The following CAPN12 variants were observed in gnomAD, a reference collection of about 807,000 sequenced individuals.
The protein encoded by CAPN12 is calpain-12.
Under a neutral mutation model 95.0 loss-of-function variants are expected in CAPN12, and 107 were observed. The ratio of observed to expected loss-of-function variants is 1.13; its 90% CI spans 0.96 to 1.32. The LOEUF is 1.32. CAPN12 is among the 40% of genes most tolerant of loss of function. The probability of loss-of-function intolerance (pLI) is 0.00; values close to 1 mark genes in which losing one functional copy is unlikely to be tolerated. For missense variants in CAPN12, 1,136 were observed against 997.8 expected (o/e 1.14, Z -1.87); for synonymous variants, 505 against 415.5 (o/e 1.22, Z -2.62).
chr19:38,744,594 C>T (rs969799880), upstream of CAPN12: 20 of 236,574 alleles, frequency 8.5e-5, no homozygotes, highest in Non-Finnish European at 1.2e-4. Flanking sequence ...TCTCTCTCCC[C>T]GCCTTCATGT....
chr19:38,738,403 CCA>C lies in CAPN12; in HGVS notation c.890+13_890+14del, dbSNP rs1165476891. The C allele has an allele frequency of 1.2e-6, 2 of 1,610,882 alleles. No homozygotes were observed. The highest frequency in any genetic ancestry group is 3.3e-5 in the Admixed American group (2 of 59,954). On this transcript the variant is annotated intron_variant, in intron 7 of 20. Transcript: ENST00000328867. Reference sequence around the variant, plus strand: ...GGTGGGGTCCAGCCCCACACCCACCCCAGACCCATCCCACCTGTCGCTCCAGG... The same window carrying C: ...GGTGGGGTCCAGCCCCACACCCACCCGACCCATCCCACCTGTCGCTCCAGG...
chr19:38,736,532 T>C lies in CAPN12; in HGVS notation c.1374+20A>G, dbSNP rs748975507. On this transcript the variant is annotated intron_variant, in intron 11 of 20. Transcript: ENST00000328867. ...AGGTTGACCAAGCCCCAGGGCCGGT[T>C]GACCCCATCCCAGACTCACCTCCTC... 13 of 1,578,476 alleles carry C rather than the reference T, an allele frequency of 8.2e-6. No individual in the cohort carries two copies. Among genetic ancestry groups the C allele is most frequent in the Non-Finnish European group, 1.1e-5 (13 of 1,163,364 alleles).
At chr19:38,742,084 G>C (rs992975088) in intron 3 of CAPN12, among the ~76,000 whole-genome samples, 174 bp from the exon 4 acceptor site, 1 of 152,132 alleles carries the variant, frequency 6.6e-6, no homozygotes, top group Non-Finnish European at 1.5e-5. Context: ...CCAGCACTTT[G>C]GGAGGCCGAG....
intron 1 of CAPN12, 89 bp from the exon 2 acceptor site, chr19:38,743,191 G>A: frequency 6.7e-7 from 1 of 1,500,824 alleles, no homozygotes; most frequent in Non-Finnish European, 9.3e-7. Flanking sequence ...GCCCATGAAA[G>A]GCCTGGAAGC....
At chr19:38,736,020 T>C (rs1484345232) in intron 12 of CAPN12, 90 bp downstream of exon 12, 1 of 123,186 alleles carries the variant, frequency 8.1e-6, no homozygotes, top group African/African-American at 8.6e-5. Context: ...GTCTCGGGGG[T>C]CTCGGGGGTC....
intron 2 of CAPN12, 74 bp downstream of exon 2, chr19:38,742,959 A>G (rs2145275581): frequency 1.4e-6 from 2 of 1,456,724 alleles, no homozygotes; most frequent in Non-Finnish European, 1.9e-6. Context: ...GTGGGTGGAC[A>G]AAGGGATGGA....
intron 4 of CAPN12, 66 bp downstream of exon 4, chr19:38,741,711 C>T (rs1970554727): frequency 6.3e-7 from 1 of 1,583,044 alleles, no homozygotes; most frequent in African/African-American, 1.3e-5. Flanking sequence ...GACTCTGGGT[C>T]CCCCTGTGGC....
In CAPN12 at chr19:38,730,603, T is replaced by TAGCACTGTC. The variant is rs1969510584; in HGVS notation, c.*240_*248dup. ...CCTTCTAGGAGAGCCAGGGCAGAGC[T>TAGCACTGTC]AGCACTGTCTTAAGCTGTCAACGTG... On this transcript the variant is annotated 3_prime_UTR_variant, in exon 21 of 21. Transcript: ENST00000328867. 3.4e-6 allele frequency: 2 copies of TAGCACTGTC among 591,818 alleles called. No individual in the cohort carries two copies. Among genetic ancestry groups the TAGCACTGTC allele is most frequent in the African/African-American group, 3.7e-5 (2 of 53,892 alleles). 36.7% of individuals were successfully genotyped at this position (591,818 alleles called of 1,614,324 possible). A position where few individuals can be genotyped will look rare whatever the true frequency, so the allele number is the denominator to read the frequency against.
chr19:38,743,143 C>A (rs73554729), intron 1 of CAPN12, 41 bp from the exon 2 acceptor site: 1 of 1,611,088 alleles, frequency 6.2e-7, no homozygotes, highest in Non-Finnish European at 8.5e-7. Flanking sequence ...CCTGAGAAAG[C>A]GAGGAAAGGT....
In CAPN12 at chr19:38,730,488, C is replaced by T. The variant is rs184938400; in HGVS notation, c.*364G>A. Reference sequence around the variant, plus strand: ...TTTCTTGGTTTCTGGATAAACCACCCTCTGGGGACAGGATAATAAAACATG... The same window carrying T: ...TTTCTTGGTTTCTGGATAAACCACCTTCTGGGGACAGGATAATAAAACATG... On this transcript the variant is annotated 3_prime_UTR_variant, in exon 21 of 21. Transcript: ENST00000328867. The T allele has an allele frequency of 1.5e-5, 4 of 269,794 alleles. No homozygotes were observed. In the East Asian group the frequency reaches 3.0e-4, roughly 20 times the overall value. 16.7% of individuals were successfully genotyped at this position (269,794 alleles called of 1,614,324 possible). A position where few individuals can be genotyped will look rare whatever the true frequency, so the allele number is the denominator to read the frequency against.
rs1235444925 is a variant in CAPN12 at position 38,742,340 on chromosome 19, A to G, written c.426+70T>C. 32 of 1,223,842 alleles carry G rather than the reference A, an allele frequency of 2.6e-5. No homozygotes were observed. The East Asian group carries it at 6.7e-4, about 26-fold the overall frequency. The allele number at this position is 1,223,842 out of a possible 1,614,324, so 75.8% of individuals were successfully genotyped here. ...TGAGATTCCATCTCAAAAAAAAAAAAAAAGAAAAATCCATATCACCAAGTC... is the reference window on the plus strand; with the variant it reads ...TGAGATTCCATCTCAAAAAAAAAAAGAAAGAAAAATCCATATCACCAAGTC... On this transcript the variant is annotated intron_variant, in intron 3 of 20. Transcript: ENST00000328867.
intron 18 of CAPN12, among the ~76,000 whole-genome samples, chr19:38,732,944 T>G (rs1829449588): frequency 6.6e-6 from 1 of 152,216 alleles, no homozygotes; most frequent in Non-Finnish European, 1.5e-5. Flanking sequence ...TAGGATGTTG[T>G]GCTGGGCTTG....
rs754895421 is a variant in CAPN12, at chr19:38,733,764, G to A, written c.1896C>T (p.Phe632=). The stretch of plus-strand genomic sequence containing the variant: ...TCATGGTTCCAGAGGTGTCCTCATC[G>A]AACTTGTTAAATATGGCCTGGGCAG... ...LLEWQAIFNK[F]DEDTSGTMNS... Residue 632 remains phenylalanine (F), a synonymous_variant, in exon 18 of 21, where the codon TTC becomes TTT. Transcript: ENST00000328867. The A allele has an allele frequency of 5.4e-5, 87 of 1,613,532 alleles. No homozygotes were observed. The highest frequency in any genetic ancestry group is 1.7e-4 in the Middle Eastern group (1 of 6,060).
At chr19:38,740,366 T>A in intron 4 of CAPN12, 147 bp from the exon 5 acceptor site, 1 of 893,046 alleles carries the variant, frequency 1.1e-6, no homozygotes, top group Non-Finnish European at 1.7e-6. Context: ...AGGGTCACCC[T>A]GTGGCCCAGG....
chr19:38,735,566 TG>T, intron 12 of CAPN12, 22 bp from the exon 13 acceptor site: 2 of 1,600,120 alleles, frequency 1.2e-6, no homozygotes, highest in South Asian at 2.2e-5. Context: ...AGATGGGAAG[TG>T]GGGAGGGGGC....
chr19:38,736,171 G>C lies in CAPN12; in HGVS notation c.1522C>G (p.His508Asp), dbSNP rs1009483574. Residue 508 changes from histidine (H) to aspartate (D), a missense_variant, in exon 12 of 21, where the codon CAC becomes GAC. Coordinates refer to ENST00000328867, the MANE Select transcript of CAPN12 (RefSeq NM_144691.4). ...GTGAAGTCAGCCTCGTCGCCGGCGTGGGCGGTGCTCGGCACCACCAGGTAG... is the reference window on the plus strand; with the variant it reads ...GTGAAGTCAGCCTCGTCGCCGGCGTCGGCGGTGCTCGGCACCACCAGGTAG... ...GHYLVVPSTAHAGDEADFTLR... is the reference protein window; with the variant it reads ...GHYLVVPSTADAGDEADFTLR... 2 of 1,513,984 alleles carry C rather than the reference G, an allele frequency of 1.3e-6. No homozygotes were observed. Among genetic ancestry groups the C allele is most frequent in the Non-Finnish European group, 1.8e-6 (2 of 1,134,812 alleles). The allele number at this position is 1,513,984 out of a possible 1,614,324, so 93.8% of individuals were successfully genotyped here. A position where few individuals can be genotyped will look rare whatever the true frequency, so the allele number is the denominator to read the frequency against.
chr19:38,736,370 C>T (rs781106935), intron 11 of CAPN12, 52 bp from the exon 12 acceptor site: 80 of 1,479,426 alleles, frequency 5.4e-5, no homozygotes, highest in Non-Finnish European at 7.2e-5. Flanking sequence ...GGCCCTTCAT[C>T]CCCGCACCCT....
intron 15 of CAPN12, 159 bp downstream of exon 15, chr19:38,734,653 CA>C: frequency 1.4e-6 from 1 of 700,200 alleles, no homozygotes. Flanking sequence ...ACGGGGCCCA[CA>C]CAAGATCCCC....
Position 38,731,109 on chromosome 19 carries a change from A to C in CAPN12, c.2072T>G (p.Phe691Cys), listed in dbSNP as rs1969563120. The C allele has an allele frequency of 1.9e-6, 3 of 1,610,902 alleles. No individual in the cohort carries two copies. Among genetic ancestry groups the C allele is most frequent in the South Asian group, 2.2e-5 (2 of 90,692 alleles). Residue 691 changes from phenylalanine (F) to cysteine (C), a missense_variant and splice_region_variant, in exon 19 of 21, where the codon TTC becomes TGC. Phe to Cys is a radical substitution (Grantham distance 205). Coordinates refer to ENST00000328867, the MANE Select transcript of CAPN12 (RefSeq NM_144691.4). ...VSCVAHLTCI[F>C]CHCSQHLDGG... is the part of the protein sequence containing the mutation. ...CACCATGCCGGGGTGGTACTCACAG[A>C]AGATGCAGGTGAGGTGGGCCACACA...
Sources: gnomAD v4.1 joint callset for allele counts (sites outside exome capture counted in the v4.1 genomes callset) on GRCh38, gnomAD v4.1.1 for gene constraint, MANE v1.5 for transcripts, NCBI Gene and HGNC (gene_info 2026-07-23, HGNC 2026-07-21) for gene names.